The following C2CD5 variants were observed in gnomAD, a reference collection of about 807,000 sequenced individuals.
C2CD5 encodes C2 domain-containing protein 5.
Under a neutral mutation model 130.3 loss-of-function variants are expected in C2CD5, and 109 were observed. The ratio of observed to expected loss-of-function variants is 0.84; its 90% CI spans 0.72 to 0.98. C2CD5 has a LOEUF of 0.98. C2CD5 is among the 50% of genes least tolerant of loss of function. The pLI, the probability that C2CD5 is intolerant of heterozygous loss-of-function variation, is 0.00. For missense variants in C2CD5, 996 were observed against 1,261.8 expected, an observed-to-expected ratio of 0.79 and a Z score of 3.19; for synonymous variants, 454 against 429.2, an observed-to-expected ratio of 1.06 and a Z score of -0.71.
At chr12:22,530,827 C>A (rs1217470165) in intron 3 of C2CD5, among the ~76,000 whole-genome samples, 1 of 152,024 alleles carries the variant, frequency 6.6e-6, no homozygotes, top group Non-Finnish European at 1.5e-5. Context: ...TATTATTTTT[C>A]ATATTGTTAA....
intron 10 of C2CD5, among the ~76,000 whole-genome samples, chr12:22,505,528 A>C (rs1234157557): frequency 6.6e-6 from 1 of 152,178 alleles, no homozygotes; most frequent in Non-Finnish European, 1.5e-5. Context: ...GGATGTGACA[A>C]TTTAAAATTT....
chr12:22,493,014 T>C (rs916234396), intron 11 of C2CD5, among the ~76,000 whole-genome samples: 3 of 152,188 alleles, frequency 2.0e-5, no homozygotes, highest in Admixed American at 2.0e-4. Context: ...AATGTACAAA[T>C]TGAGGCTCAG....
At chr12:22,462,372 T>C (rs1383869934) in intron 22 of C2CD5, among the ~76,000 whole-genome samples, 2 of 152,200 alleles carry the variant, frequency 1.3e-5, no homozygotes, top group Non-Finnish European at 2.9e-5. Flanking sequence ...TAATTTGGTT[T>C]CCCACTTAAT....
intron 3 of C2CD5, among the ~76,000 whole-genome samples, chr12:22,532,950 T>C (rs1332712799): frequency 6.6e-6 from 1 of 152,148 alleles, no homozygotes; most frequent in Admixed American, 6.5e-5. Context: ...AGTAGTCCAA[T>C]GAAAATTCCA....
At chr12:22,516,223 T>C (rs978224057) in intron 8 of C2CD5, among the ~76,000 whole-genome samples, 6 of 151,934 alleles carry the variant, frequency 3.9e-5, no homozygotes, top group Non-Finnish European at 7.4e-5. Flanking sequence ...ATTATAGTTT[T>C]AGAATTTTTA....
intron 10 of C2CD5, among the ~76,000 whole-genome samples, chr12:22,498,839 A>C (rs1204860740): frequency 6.6e-6 from 1 of 152,232 alleles, no homozygotes; most frequent in Non-Finnish European, 1.5e-5. Context: ...GTCTACGTCC[A>C]GAAGCTATCT....
chr12:22,537,925 T>C (rs1233550723), intron 2 of C2CD5, among the ~76,000 whole-genome samples: 1 of 152,190 alleles, frequency 6.6e-6, no homozygotes, highest in Non-Finnish European at 1.5e-5. Flanking sequence ...CATCTTACTC[T>C]AGAGATTCCT....
At chr12:22,486,199 A>AAC (rs1243997985) in intron 12 of C2CD5, among the ~76,000 whole-genome samples, 2 of 151,804 alleles carry the variant, frequency 1.3e-5, no homozygotes, top group Non-Finnish European at 2.9e-5. Flanking sequence ...AAAAAAAAAA[A>AAC]AAAAACACTG....
intron 16 of C2CD5, among the ~76,000 whole-genome samples, chr12:22,473,234 T>C (rs1350660590): frequency 6.6e-6 from 1 of 152,150 alleles, no homozygotes; most frequent in Non-Finnish European, 1.5e-5. Flanking sequence ...TTTAATAAAA[T>C]AAATAGGTCT....
chr12:22,508,625 T>C (rs1207240240), intron 9 of C2CD5, among the ~76,000 whole-genome samples: 7 of 152,122 alleles, frequency 4.6e-5, no homozygotes, highest in Non-Finnish European at 7.4e-5. Flanking sequence ...ACAATATAAG[T>C]ATTAAGAAAG....
chr12:22,508,765 T>G (rs1948859114), intron 9 of C2CD5, among the ~76,000 whole-genome samples: 1 of 152,210 alleles, frequency 6.6e-6, no homozygotes, highest in Non-Finnish European at 1.5e-5. Flanking sequence ...GATTTTTTTT[T>G]CAGTGTTAGG....
At chr12:22,508,977 C>T (rs976300122) in intron 9 of C2CD5, among the ~76,000 whole-genome samples, 4 of 151,404 alleles carry the variant, frequency 2.6e-5, no homozygotes, top group African/African-American at 9.7e-5. Context: ...CCCGGGTTCA[C>T]GCCATTCTCC....
chr12:22,462,489 T>C (rs1490116310), intron 22 of C2CD5, among the ~76,000 whole-genome samples: 1 of 152,202 alleles, frequency 6.6e-6, no homozygotes, highest in Non-Finnish European at 1.5e-5. Flanking sequence ...TACAGGGCTA[T>C]GGTTTTATAA....
intron 9 of C2CD5, among the ~76,000 whole-genome samples, chr12:22,507,405 G>A (rs1448571319): frequency 2.1e-5 from 3 of 145,834 alleles, no homozygotes; most frequent in Non-Finnish European, 4.4e-5. Context: ...CAATGTGGCA[G>A]GAACAAATAC....
intron 12 of C2CD5, among the ~76,000 whole-genome samples, chr12:22,487,025 C>T (rs1385258714): frequency 6.6e-6 from 1 of 152,074 alleles, no homozygotes; most frequent in Non-Finnish European, 1.5e-5. Context: ...AAATTGGATC[C>T]CTTCCTTACA....
chr12:22,524,471 C>T lies in C2CD5; in HGVS notation c.601+1G>A. On this transcript the variant is annotated splice_donor_variant, in intron 6 of 26. Coordinates refer to ENST00000446597, the MANE Select transcript of C2CD5 (RefSeq NM_001286176.2). LOFTEE classifies it high-confidence loss of function. The stretch of plus-strand genomic sequence containing the variant: ...GTAATAAAGTTATTTTTTTTAAATA[C>T]CTGACATTAACGAAATGAGTCTCTG... 1 of 1,611,420 alleles carries T rather than the reference C, an allele frequency of 6.2e-7. No homozygotes were observed.
chr12:22,524,727 A>T lies in C2CD5; in HGVS notation c.446-100T>A, dbSNP rs114940246. 207 of 718,272 alleles carry T rather than the reference A, an allele frequency of 2.9e-4. 1 individual carries two copies. In the African/African-American group the frequency reaches 3.3e-3, roughly 11 times the overall value. The allele number at this position is 718,272 out of a possible 1,614,324, so 44.5% of individuals were successfully genotyped here. ...TTCTGACCTTTAGATACATAATACAAGAACATCTTTTACTGTAATATTTTC... is the reference window on the plus strand; with the variant it reads ...TTCTGACCTTTAGATACATAATACATGAACATCTTTTACTGTAATATTTTC... On this transcript the variant is annotated intron_variant, in intron 5 of 26. Transcript: ENST00000446597.
Position 22,544,357 on chromosome 12 carries a change from G to C in C2CD5, c.-67C>G. The C allele has an allele frequency of 2.1e-6, 1 of 469,436 alleles. No individual in the cohort carries two copies. Among genetic ancestry groups the C allele is most frequent in the Non-Finnish European group, 3.7e-6 (1 of 267,746 alleles). The allele number at this position is 469,436 out of a possible 1,614,324, so 29.1% of individuals were successfully genotyped here. ...AAGGGTGCTGTCCCGCGCGGGTGCT[G>C]AGACCTCATTCCGGAGAGGCGGCGG... On this transcript the variant is annotated 5_prime_UTR_variant, in exon 1 of 27. Transcript: ENST00000446597.
chr12:22,497,632 T>A (rs1046233481), intron 10 of C2CD5: 36 of 957,880 alleles, frequency 3.8e-5, no homozygotes, highest in Non-Finnish European at 3.8e-5. Flanking sequence ...TTTCCCCTAA[T>A]GAAAAAGAAA....
Sources: gnomAD v4.1 joint callset for allele counts (sites outside exome capture counted in the v4.1 genomes callset) on GRCh38, gnomAD v4.1.1 for gene constraint, MANE v1.5 for transcripts, NCBI Gene and HGNC (gene_info 2026-07-23, HGNC 2026-07-21) for gene names.